The following TNFRSF8 variants were observed in gnomAD, a reference collection of about 807,000 sequenced individuals.
TNFRSF8 encodes tumor necrosis factor receptor superfamily member 8.
Under a neutral mutation model 70.8 loss-of-function variants are expected in TNFRSF8, and 26 were observed. That is an observed-to-expected ratio of 0.37 (90% CI 0.27 to 0.51). The LOEUF is 0.51. Among genes scored for constraint, TNFRSF8 ranks in the 20% least tolerant of loss-of-function variants. The pLI, the probability that TNFRSF8 is intolerant of heterozygous loss-of-function variation, is 0.94. For synonymous variants in TNFRSF8, 356 were observed against 339.2 expected, an observed-to-expected ratio of 1.05 and a Z score of -0.54; for missense variants, 720 against 807.9, an observed-to-expected ratio of 0.89 and a Z score of 1.32.
In TNFRSF8 at chr1:12,123,865, G is replaced by C; in HGVS notation, c.1153+38G>C. The C allele has an allele frequency of 2.6e-6, 4 of 1,516,652 alleles. No individual in the cohort carries two copies. In the South Asian group the frequency reaches 4.8e-5, roughly 18 times the overall value. The allele number at this position is 1,516,652 out of a possible 1,614,324, so 93.9% of individuals were successfully genotyped here. A position where few individuals can be genotyped will look rare whatever the true frequency, so the allele number is the denominator to read the frequency against. Reference sequence around the variant, plus strand: ...GCCCACTCACCCCTACTCCCAGCAGGGGCTTCCTCCTGGGGAAGTGTGGAT... The same window carrying C: ...GCCCACTCACCCCTACTCCCAGCAGCGGCTTCCTCCTGGGGAAGTGTGGAT... On this transcript the variant is annotated intron_variant, in intron 10 of 14. Transcript: ENST00000263932.
At chr1:12,092,380 C>A (rs1336210551) in intron 2 of TNFRSF8, among the ~76,000 whole-genome samples, 1 of 152,062 alleles carries the variant, frequency 6.6e-6, no homozygotes, top group African/African-American at 2.4e-5. Flanking sequence ...GCCTTGTTGC[C>A]CAGGCTAGTC....
intron 1 of TNFRSF8, among the ~76,000 whole-genome samples, chr1:12,077,208 G>C (rs1640981080): frequency 6.6e-6 from 1 of 152,206 alleles, no homozygotes; most frequent in Admixed American, 6.5e-5. Context: ...ATAAGTGCGA[G>C]CCACTTCGCC....
chr1:12,077,876 T>C (rs1296366250), intron 1 of TNFRSF8: 2 of 152,066 alleles, frequency 1.3e-5, no homozygotes, highest in African/African-American at 2.4e-5. Flanking sequence ...TGGTTTTTTT[T>C]TTTTTTAAAT....
rs1406649693 is a variant in TNFRSF8, at chr1:12,108,554, CT to C, written c.422-1010del. Among the ~76,000 whole-genome samples the C allele has an allele frequency of 6.6e-6, 1 of 152,110 alleles. No individual in the cohort carries two copies. Among genetic ancestry groups the C allele is most frequent in the Non-Finnish European group, 1.5e-5 (1 of 68,012 alleles). On this transcript the variant is annotated intron_variant, in intron 4 of 14. Transcript: ENST00000263932. The surrounding 1 kb of genome is among the most constrained non-coding windows in gnomAD (Gnocchi z 4.0). ...CATTTGACTGGGCTGGGCACGGCAG[CT>C]TATGCCTGAAATCCCAGCACTTTGG...
chr1:12,082,430 C>T (rs1356667265), intron 1 of TNFRSF8, among the ~76,000 whole-genome samples: 1 of 151,836 alleles, frequency 6.6e-6, no homozygotes, highest in East Asian at 1.9e-4. Flanking sequence ...CCTGTGGCCC[C>T]AGCTACTTGG....
intron 3 of TNFRSF8, among the ~76,000 whole-genome samples, chr1:12,103,908 T>C (rs562875886): frequency 2.0e-5 from 3 of 152,222 alleles, no homozygotes; most frequent in South Asian, 2.1e-4. Context: ...GTTCACTCTT[T>C]GTGTTGCCCA....
chr1:12,123,188 G>A, intron 8 of TNFRSF8, 96 bp from the exon 9 acceptor site: 1 of 1,034,576 alleles, frequency 9.7e-7, no homozygotes, highest in East Asian at 2.6e-5. Context: ...CCACGGTGTT[G>A]CCTCGCTGGA....
Position 12,143,804 on chromosome 1 carries a change from G to A in TNFRSF8, c.*1273G>A, listed in dbSNP as rs1273083638. On this transcript the variant is annotated 3_prime_UTR_variant, in exon 15 of 15. Transcript: ENST00000263932. The surrounding 1 kb of genome is among the most constrained non-coding windows in gnomAD (Gnocchi z 4.1). ...CTGGAGACTCGTGGACTTACCGCCT[G>A]GAGGCAGGCCCGGGAAGGCTGCTGT... 6.6e-6 allele frequency: 1 copy of A among 152,256 alleles called. No homozygotes were observed. The highest frequency in any genetic ancestry group is 6.5e-5 in the Admixed American group (1 of 15,280). 9.4% of individuals were successfully genotyped at this position (152,256 alleles called of 1,614,324 possible). A position where few individuals can be genotyped will look rare whatever the true frequency, so the allele number is the denominator to read the frequency against.
At chr1:12,101,484 T>G (rs1468371483) in intron 3 of TNFRSF8, among the ~76,000 whole-genome samples, 3 of 152,058 alleles carry the variant, frequency 2.0e-5, no homozygotes, top group Non-Finnish European at 4.4e-5. Flanking sequence ...GCAATATAGC[T>G]TTCTATGATC....
Position 12,138,564 on chromosome 1 carries a change from A to G in TNFRSF8, c.1543+128A>G. On this transcript the variant is annotated intron_variant, in intron 14 of 14. Transcript: ENST00000263932. This position sits in a 1 kb window ranked among gnomAD's most constrained non-coding sequence, Gnocchi z 5.7. ...AAGGCCCAGGAAAGGAGAGGCATAGATTCTTCACCCCAATTGAAGTTTCTG... is the reference window on the plus strand; with the variant it reads ...AAGGCCCAGGAAAGGAGAGGCATAGGTTCTTCACCCCAATTGAAGTTTCTG... The G allele has an allele frequency of 2.1e-6, 2 of 948,040 alleles. No individual in the cohort carries two copies. Among genetic ancestry groups the G allele is most frequent in the South Asian group, 3.5e-5 (2 of 56,500 alleles). 58.7% of individuals were successfully genotyped at this position (948,040 alleles called of 1,614,324 possible). A position where few individuals can be genotyped will look rare whatever the true frequency, so the allele number is the denominator to read the frequency against.
chr1:12,083,391 A>G (rs1176345963), intron 1 of TNFRSF8, among the ~76,000 whole-genome samples: 1 of 152,240 alleles, frequency 6.6e-6, no homozygotes. Flanking sequence ...AAAAAGTGGA[A>G]TGTCTATCGA....
At position 12,100,592 on chromosome 1, in the gene TNFRSF8, C is replaced by T. The variant is rs180994717; in HGVS notation, c.268+3375C>T. Among the ~76,000 whole-genome samples the T allele has an allele frequency of 5.3e-5, 8 of 150,946 alleles. No individual in the cohort carries two copies. In the East Asian group the frequency reaches 1.2e-3, roughly 22 times the overall value. On this transcript the variant is annotated intron_variant, in intron 3 of 14. Coordinates refer to ENST00000263932, the MANE Select transcript of TNFRSF8 (RefSeq NM_001243.5). Reference sequence around the variant, plus strand: ...AACATTTTTAAATTAAAAGCTGAGACGCAAACACCTACATTATCCGAGGCC... The same window carrying T: ...AACATTTTTAAATTAAAAGCTGAGATGCAAACACCTACATTATCCGAGGCC...
chr1:12,141,471 C>T lies in TNFRSF8; in HGVS notation c.1544-816C>T, dbSNP rs188232087. On this transcript the variant is annotated intron_variant, in intron 14 of 14. Coordinates refer to ENST00000263932, the MANE Select transcript of TNFRSF8 (RefSeq NM_001243.5). This position sits in a 1 kb window ranked among gnomAD's most constrained non-coding sequence, Gnocchi z 5.4. ...GACCGGCCCTCCGTCCAAGCTCCCACCATGTGCTCACAGCACAGCCATGCA... is the reference window on the plus strand; with the variant it reads ...GACCGGCCCTCCGTCCAAGCTCCCATCATGTGCTCACAGCACAGCCATGCA... Among the ~76,000 whole-genome samples the T allele has an allele frequency of 4.4e-4, 67 of 152,392 alleles. No homozygotes were observed. Among genetic ancestry groups the T allele is most frequent in the African/African-American group, 1.5e-3 (64 of 41,600 alleles).
intron 8 of TNFRSF8, among the ~76,000 whole-genome samples, chr1:12,116,463 C>A (rs904701461): frequency 6.6e-6 from 1 of 152,022 alleles, no homozygotes; most frequent in Non-Finnish European, 1.5e-5. Context: ...GAGATTTTAA[C>A]AAATCTCCAG....
At chr1:12,075,839 G>A (rs1260347011) in intron 1 of TNFRSF8, among the ~76,000 whole-genome samples, 1 of 152,132 alleles carries the variant, frequency 6.6e-6, no homozygotes, top group African/African-American at 2.4e-5. Flanking sequence ...ACGTCAGCAT[G>A]ACCATAAACC....
At chr1:12,072,827 C>T (rs993178087) in intron 1 of TNFRSF8, among the ~76,000 whole-genome samples, 1 of 152,190 alleles carries the variant, frequency 6.6e-6, no homozygotes, top group African/African-American at 2.4e-5. Flanking sequence ...CTCCTAAACC[C>T]CACCTTCACC....
chr1:12,067,075 C>T lies in TNFRSF8; in HGVS notation c.63+3414C>T, dbSNP rs115820218. On this transcript the variant is annotated intron_variant, in intron 1 of 14. Transcript: ENST00000263932. ...ATCTGAGAGTTGGCCTCTGATGCTT[C>T]GTATCACTGTCTTGTCCAATTGTGT... Among the ~76,000 whole-genome samples the T allele has an allele frequency of 1.9e-3, 284 of 152,340 alleles. 1 individual carries two copies. Among genetic ancestry groups the T allele is most frequent in the African/African-American group, 6.6e-3 (274 of 41,590 alleles).
chr1:12,099,290 A>G (rs1191347845), intron 3 of TNFRSF8, among the ~76,000 whole-genome samples: 1 of 151,946 alleles, frequency 6.6e-6, no homozygotes, highest in Non-Finnish European at 1.5e-5. Context: ...GATTACAGGG[A>G]TGCACCACCA....
intron 1 of TNFRSF8, among the ~76,000 whole-genome samples, chr1:12,075,372 C>T (rs1008010931): frequency 5.3e-5 from 8 of 152,122 alleles, no homozygotes; most frequent in African/African-American, 1.9e-4. Context: ...GGGTGTGAAC[C>T]GCTGCGCCTG....
Sources: allele counts gnomAD v4.1 joint callset (sites outside exome capture counted in the v4.1 genomes callset), GRCh38; gene constraint gnomAD v4.1.1; non-coding constraint Gnocchi (gnomAD v3.1); transcripts MANE v1.5; gene names NCBI Gene and HGNC (gene_info 2026-07-23, HGNC 2026-07-21).